The following HDAC9 variants were observed in gnomAD, a reference collection of about 807,000 sequenced individuals.
HDAC9 encodes the protein MEF-2 interacting transcription repressor (MITR) protein.
Under a neutral mutation model 139.4 loss-of-function variants are expected in HDAC9, and 41 were observed. The observed-to-expected ratio is 0.29, with a 90% confidence interval of 0.23 to 0.38. The LOEUF is 0.38. Among genes scored for constraint, HDAC9 ranks in the 10% least tolerant of loss-of-function variants. HDAC9 has a pLI of 1.00. For missense variants in HDAC9, 1,147 were observed against 1,297.0 expected, an observed-to-expected ratio of 0.88 and a Z score of 1.78; for synonymous variants, 517 against 476.2, an observed-to-expected ratio of 1.09 and a Z score of -1.12.
At chr7:18,091,142 C>T (rs1583981188) in intron 1 of HDAC9, among the ~76,000 whole-genome samples, 1 of 152,302 alleles carries the variant, frequency 6.6e-6, no homozygotes, top group East Asian at 1.9e-4. Flanking sequence ...TATGTATATT[C>T]TTACTCTTCC....
intron 1 of HDAC9, among the ~76,000 whole-genome samples, chr7:18,452,767 G>A (rs530253133): frequency 2.4e-4 from 36 of 152,186 alleles, no homozygotes; most frequent in Non-Finnish European, 3.1e-4. Flanking sequence ...CTTGCCTGCC[G>A]CCATGTAAGA....
intron 22 of HDAC9, among the ~76,000 whole-genome samples, chr7:18,888,297 C>T (rs1364726614): frequency 6.6e-6 from 1 of 152,040 alleles, no homozygotes; most frequent in Admixed American, 6.6e-5. Context: ...TGGTGGCGGG[C>T]GCCTGTAGTC....
At chr7:18,717,461 T>G (rs1329781645) in intron 12 of HDAC9, among the ~76,000 whole-genome samples, 1 of 151,740 alleles carries the variant, frequency 6.6e-6, no homozygotes, top group Non-Finnish European at 1.5e-5. Flanking sequence ...GACGGAATTT[T>G]GCTCTTGTTG....
intron 2 of HDAC9, among the ~76,000 whole-genome samples, chr7:18,262,418 G>C (rs1367732904): frequency 6.6e-6 from 1 of 152,120 alleles, no homozygotes; most frequent in Non-Finnish European, 1.5e-5. Context: ...AGAAATTAAG[G>C]CATTTCCAGA....
chr7:18,753,616 A>C (rs1268798719), intron 14 of HDAC9, among the ~76,000 whole-genome samples: 1 of 152,156 alleles, frequency 6.6e-6, no homozygotes, highest in Non-Finnish European at 1.5e-5. Flanking sequence ...GAAAATGCTA[A>C]AAGGATTCCT....
intron 1 of HDAC9, among the ~76,000 whole-genome samples, chr7:18,439,102 A>G (rs1005782015): frequency 2.0e-5 from 3 of 152,150 alleles, no homozygotes; most frequent in African/African-American, 7.2e-5. Context: ...TTTATCTTAC[A>G]TTATCTTTAT....
intron 12 of HDAC9, among the ~76,000 whole-genome samples, chr7:18,707,260 T>A (rs1783999426): frequency 6.6e-6 from 1 of 152,166 alleles, no homozygotes; most frequent in Non-Finnish European, 1.5e-5. Context: ...CAGAAAAGTA[T>A]CTTTAACATA....
At chr7:18,257,401 C>CACACACACACACA (rs1795338037) in intron 2 of HDAC9, among the ~76,000 whole-genome samples, 65 of 130,952 alleles carry the variant, frequency 5.0e-4, no homozygotes, top group African/African-American at 1.9e-3. Flanking sequence ...TCTGTCTCTC[C>CACACACACACACA]CACACACACA....
intron 1 of HDAC9, among the ~76,000 whole-genome samples, chr7:18,460,303 T>C (rs1227577175): frequency 2.0e-5 from 3 of 152,100 alleles, no homozygotes; most frequent in Non-Finnish European, 2.9e-5. Context: ...TTAACCTGTG[T>C]GGAATTATAG....
intron 2 of HDAC9, among the ~76,000 whole-genome samples, chr7:18,164,514 C>T (rs551923162): frequency 2.6e-5 from 4 of 152,132 alleles, no homozygotes; most frequent in African/African-American, 7.2e-5. Flanking sequence ...TATTGTGCAC[C>T]AGAAAGAAAA....
intron 23 of HDAC9, 23 bp downstream of exon 23, chr7:18,935,965 G>T: frequency 6.2e-7 from 1 of 1,603,630 alleles, no homozygotes; most frequent in Non-Finnish European, 8.5e-7. Flanking sequence ...AAGTACAAAG[G>T]GGCAGGGGTA....
intron 2 of HDAC9, among the ~76,000 whole-genome samples, chr7:18,554,771 C>T (rs1438985899): frequency 6.6e-6 from 1 of 152,114 alleles, no homozygotes; most frequent in African/African-American, 2.4e-5. Context: ...TCCAAGAAGC[C>T]CTCATGAGCT....
chr7:18,605,811 G>A (rs1217080638), intron 6 of HDAC9, among the ~76,000 whole-genome samples: 1 of 152,130 alleles, frequency 6.6e-6, no homozygotes, highest in African/African-American at 2.4e-5. Context: ...CTCCCGAGTA[G>A]CTGGGACTAC....
intron 1 of HDAC9, among the ~76,000 whole-genome samples, chr7:18,462,341 C>T (rs1297493637): frequency 2.6e-5 from 4 of 152,028 alleles, no homozygotes; most frequent in Non-Finnish European, 5.9e-5. Context: ...ACACTAGGTT[C>T]ACATTATTAC....
intron 24 of HDAC9, among the ~76,000 whole-genome samples, chr7:18,957,700 A>G (rs1783252383): frequency 6.6e-6 from 1 of 152,196 alleles, no homozygotes; most frequent in African/African-American, 2.4e-5. Context: ...GCAACTGCAC[A>G]GGTAACCCAT....
chr7:18,986,959 G>A (rs1785410282), intron 25 of HDAC9, among the ~76,000 whole-genome samples: 1 of 152,208 alleles, frequency 6.6e-6, no homozygotes, highest in Admixed American at 6.5e-5. Context: ...AGCTTAAGGA[G>A]ATTTTGGGCT....
intron 1 of HDAC9, among the ~76,000 whole-genome samples, chr7:18,486,083 C>A (rs1288950189): frequency 6.6e-6 from 1 of 152,050 alleles, no homozygotes; most frequent in Non-Finnish European, 1.5e-5. Context: ...GGCAAGAGAG[C>A]ATGAGAAAGC....
Position 18,829,210 on chromosome 7 carries a change from C to A in HDAC9, c.2372C>A (p.Thr791Lys). The A allele has an allele frequency of 6.2e-7, 1 of 1,611,832 alleles. No individual in the cohort carries two copies. Among genetic ancestry groups the A allele is most frequent in the Non-Finnish European group, 8.5e-7 (1 of 1,177,886 alleles). ...CCTGGCCATCACGCTGAAGAATCCACAGCCATGTAAGTACCAGGGACTGTT... is the reference window on the plus strand; with the variant it reads ...CCTGGCCATCACGCTGAAGAATCCAAAGCCATGTAAGTACCAGGGACTGTT... ...RPPGHHAEESTAMGFCFFNSV... is the reference protein window; with the variant it reads ...RPPGHHAEESKAMGFCFFNSV... The change falls in exon 18 of 26, where the codon ACA (threonine) becomes AAA (lysine). Residue 791 changes from threonine to lysine, a missense_variant. By Grantham distance (78) the Thr-to-Lys change is moderately conservative. Transcript: ENST00000686413.
At chr7:18,258,804 C>G (rs1462468663) in intron 2 of HDAC9, among the ~76,000 whole-genome samples, 3 of 152,064 alleles carry the variant, frequency 2.0e-5, no homozygotes, top group African/African-American at 7.2e-5. Context: ...AAATCAGTAG[C>G]TTCTCTATTC....
Sources: gnomAD v4.1 joint callset for allele counts (sites outside exome capture counted in the v4.1 genomes callset) on GRCh38, gnomAD v4.1.1 for gene constraint, MANE v1.5 for transcripts, NCBI Gene and HGNC (gene_info 2026-07-23, HGNC 2026-07-21) for gene names.